Variants in CIMIP6 observed in about 807,000 individuals in gnomAD.
CIMIP6 encodes the protein uncharacterized protein C2orf73.
the CIMIP6 span, among the ~76,000 whole-genome samples, chr2:54,357,753 T>TG: frequency 6.6e-6 from 1 of 151,070 alleles, no homozygotes; most frequent in Non-Finnish European, 1.5e-5. Context: ...ATTTTTTTTT[T>TG]TTTTGTATTT....
the CIMIP6 span, among the ~76,000 whole-genome samples, chr2:54,372,469 C>A: frequency 6.6e-6 from 1 of 152,130 alleles, no homozygotes; most frequent in Non-Finnish European, 1.5e-5. Flanking sequence ...GAGTCTGTGT[C>A]CCCTCTGCGA....
chr2:54,331,828 A>G, the CIMIP6 span, among the ~76,000 whole-genome samples: 1 of 152,134 alleles, frequency 6.6e-6, no homozygotes, highest in African/African-American at 2.4e-5. Flanking sequence ...AGCCAGGGAT[A>G]CCCTCTTCCA....
the CIMIP6 span, among the ~76,000 whole-genome samples, chr2:54,350,509 G>A: frequency 2.0e-5 from 3 of 152,116 alleles, no homozygotes; most frequent in South Asian, 6.2e-4. Flanking sequence ...CAGGGTAGCT[G>A]GACTTCTTAC....
At chr2:54,337,980 A>AT in the CIMIP6 span, among the ~76,000 whole-genome samples, 2 of 152,164 alleles carry the variant, frequency 1.3e-5, no homozygotes, top group African/African-American at 2.4e-5. Flanking sequence ...AAAAATAAAA[A>AT]TAAAAAAATA....
the CIMIP6 span, chr2:54,359,112 A>G: frequency 1.7e-6 from 2 of 1,150,564 alleles, no homozygotes; most frequent in African/African-American, 1.6e-5. Flanking sequence ...ACTTTAAGAC[A>G]GAGTAGATTT....
chr2:54,377,821 G>A, the CIMIP6 span, among the ~76,000 whole-genome samples: 16 of 152,298 alleles, frequency 1.1e-4, no homozygotes, highest in Admixed American at 3.9e-4. Context: ...CTGTGTCAAG[G>A]TGTAATTTCA....
the CIMIP6 span, chr2:54,359,071 A>T: frequency 1.9e-5 from 28 of 1,444,824 alleles, no homozygotes; most frequent in Admixed American, 6.2e-5. Context: ...CTCTCCAGGG[A>T]AAGGTGAGGC....
chr2:54,381,996 G>A, the CIMIP6 span: 70 of 1,530,812 alleles, frequency 4.6e-5, no homozygotes, highest in Non-Finnish European at 5.9e-5. Flanking sequence ...GTAAGTATTA[G>A]CAGTTTCATT....
At chr2:54,373,954 T>C in the CIMIP6 span, among the ~76,000 whole-genome samples, 1 of 152,348 alleles carries the variant, frequency 6.6e-6, no homozygotes, top group East Asian at 1.9e-4. Context: ...ATTCTTCCCT[T>C]CCTTTATTCT....
the CIMIP6 span, chr2:54,381,790 A>T: frequency 6.7e-7 from 1 of 1,494,346 alleles, no homozygotes; most frequent in Non-Finnish European, 8.9e-7. Context: ...GCTTGATTGT[A>T]AACCATCAGA....
chr2:54,332,163 A>G, the CIMIP6 span, among the ~76,000 whole-genome samples: 4 of 152,122 alleles, frequency 2.6e-5, no homozygotes, highest in Admixed American at 1.3e-4. Context: ...TTTCCCACAA[A>G]TATGCACTTA....
chr2:54,347,418 G>C, the CIMIP6 span, among the ~76,000 whole-genome samples: 1 of 152,164 alleles, frequency 6.6e-6, no homozygotes, highest in African/African-American at 2.4e-5. Flanking sequence ...AAATGGCTTG[G>C]CATGCCAATA....
chr2:54,342,746 C>T, the CIMIP6 span, among the ~76,000 whole-genome samples: 1 of 151,966 alleles, frequency 6.6e-6, no homozygotes, highest in African/African-American at 2.4e-5. Context: ...GCTATGGAAC[C>T]ATAGTTGATT....
At chr2:54,381,545 G>C in the CIMIP6 span, among the ~76,000 whole-genome samples, 16 of 152,308 alleles carry the variant, frequency 1.1e-4, no homozygotes, top group African/African-American at 2.9e-4. Context: ...CTGTCCAAAG[G>C]TATACAGCTA....
At chr2:54,369,333 T>C in the CIMIP6 span, among the ~76,000 whole-genome samples, 1 of 152,070 alleles carries the variant, frequency 6.6e-6, no homozygotes, top group Non-Finnish European at 1.5e-5. Context: ...TTTACATCAC[T>C]GGGGAGACAG....
At chr2:54,367,558 G>A in the CIMIP6 span, among the ~76,000 whole-genome samples, 1 of 152,016 alleles carries the variant, frequency 6.6e-6, no homozygotes, top group Admixed American at 6.6e-5. Flanking sequence ...CATGATGTAG[G>A]GAGGACAGGC....
the CIMIP6 span, among the ~76,000 whole-genome samples, chr2:54,381,127 C>G: frequency 5.9e-5 from 9 of 152,162 alleles, no homozygotes; most frequent in Non-Finnish European, 1.2e-4. Flanking sequence ...GATCACATTT[C>G]CCTCTTTCCT....
chr2:54,353,857 C>G, the CIMIP6 span, among the ~76,000 whole-genome samples: 2 of 152,034 alleles, frequency 1.3e-5, no homozygotes, highest in African/African-American at 4.8e-5. Flanking sequence ...GAGCAGTTCT[C>G]CTATGTTTTT....
At chr2:54,381,979 A>G in the CIMIP6 span, 1 of 1,545,146 alleles carries the variant, frequency 6.5e-7, no homozygotes, top group East Asian at 2.5e-5. Flanking sequence ...CTTGAAATAC[A>G]TTCACAGTAA....
Sources: gnomAD v4.1 joint callset for allele counts (sites outside exome capture counted in the v4.1 genomes callset) on GRCh38, gnomAD v4.1.1 for gene constraint, MANE v1.5 for transcripts, NCBI Gene and HGNC (gene_info 2026-07-23, HGNC 2026-07-21) for gene names.